The following PCDHGA6 variants were observed in gnomAD, a reference collection of about 807,000 sequenced individuals.
PCDHGA6 encodes the protein protocadherin gamma-A6.
In PCDHGA6, 41 loss-of-function variants were observed where a neutral mutation model predicts 60.6. The ratio of observed to expected loss-of-function variants is 0.68; its 90% CI spans 0.53 to 0.88. The LOEUF (loss-of-function observed/expected upper bound fraction) is 0.88, where lower values mean the gene tolerates loss of function less well. Ranked by LOEUF, PCDHGA6 falls within the 40% of genes least tolerant of loss-of-function variation. The probability of loss-of-function intolerance (pLI) is 0.00; values close to 1 mark genes in which losing one functional copy is unlikely to be tolerated. For missense variants in PCDHGA6, 1,312 were observed against 1,203.0 expected (o/e 1.09, Z -1.34); for synonymous variants, 594 against 524.4 (o/e 1.13, Z -1.81).
rs143737031 is a variant in PCDHGA6 at position 141,454,359 on chromosome 5, G to C, written c.2425-40448G>C. Among the ~76,000 whole-genome samples, 105 of 152,200 alleles carry C rather than the reference G, an allele frequency of 6.9e-4. No individual in the cohort carries two copies. In the East Asian group the frequency reaches 0.014, roughly 20 times the overall value. ...AATGTTGGAAGTTGATCCAAACTTA[G>C]AAAGGAGTATGGCAACTTGTCAAGA... On this transcript the variant is annotated intron_variant, in intron 1 of 3. Coordinates refer to ENST00000517434, the MANE Select transcript of PCDHGA6 (RefSeq NM_018919.3).
At chr5:141,415,540 T>C (rs1202920204) in intron 1 of PCDHGA6, 9 of 1,614,184 alleles carry the variant, frequency 5.6e-6, no homozygotes, top group Non-Finnish European at 7.6e-6. Context: ...CCAGGAGAGC[T>C]GTGAGAAAAA....
At chr5:141,469,833 TTA>T (rs1343669772) in intron 1 of PCDHGA6, among the ~76,000 whole-genome samples, 2 of 152,054 alleles carry the variant, frequency 1.3e-5, no homozygotes, top group Non-Finnish European at 2.9e-5. Flanking sequence ...CACATAAAAC[TTA>T]TTCTTAAGAT....
intron 2 of PCDHGA6, among the ~76,000 whole-genome samples, chr5:141,499,317 A>G (rs532848559): frequency 7.9e-5 from 12 of 152,354 alleles, no homozygotes; most frequent in Admixed American, 1.3e-4. Context: ...GAGAGACAGT[A>G]TCCCTGCTCT....
chr5:141,374,039 G>A lies in PCDHGA6; in HGVS notation c.-45G>A. The A allele has an allele frequency of 6.9e-7, 1 of 1,456,944 alleles. No homozygotes were observed. Among genetic ancestry groups the A allele is most frequent in the Non-Finnish European group, 9.1e-7 (1 of 1,102,472 alleles). The allele number at this position is 1,456,944 out of a possible 1,614,324, so 90.3% of individuals were successfully genotyped here. ...AGAAGAGCAAAAGTGATGCAGATCT[G>A]TTCTTCCTCTTCTTAATCCCAGAGA... On this transcript the variant is annotated 5_prime_UTR_variant, in exon 1 of 4. Transcript: ENST00000517434.
At position 141,405,363 on chromosome 5, in the gene PCDHGA6, C is replaced by T. The variant is rs765508317; in HGVS notation, c.2424+28856C>T. The T allele has an allele frequency of 2.0e-5, 33 of 1,613,690 alleles. No individual in the cohort carries two copies. The highest frequency in any genetic ancestry group is 2.7e-5 in the African/African-American group (2 of 74,888). On this transcript the variant is annotated intron_variant, in intron 1 of 3. Coordinates refer to ENST00000517434, the MANE Select transcript of PCDHGA6 (RefSeq NM_018919.3). ...GATTCCAAGTTTCCTATAGAAGACACCCCTTTGGTTCCGGTGAGTTCATTT... is the reference window on the plus strand; with the variant it reads ...GATTCCAAGTTTCCTATAGAAGACATCCCTTTGGTTCCGGTGAGTTCATTT...
At chr5:141,399,376 AC>A (rs1398817003) in intron 1 of PCDHGA6, 1 of 1,613,956 alleles carries the variant, frequency 6.2e-7, no homozygotes, top group Non-Finnish European at 8.5e-7. Flanking sequence ...GTACAATGTC[AC>A]CATCACAGCC....
At chr5:141,381,271 T>G (rs1366742753) in intron 1 of PCDHGA6, among the ~76,000 whole-genome samples, 1 of 152,252 alleles carries the variant, frequency 6.6e-6, no homozygotes, top group Non-Finnish European at 1.5e-5. Context: ...CCAAGACTGT[T>G]TCTTGCCAGG....
intron 1 of PCDHGA6, chr5:141,408,627 T>A: frequency 6.2e-7 from 1 of 1,613,916 alleles, no homozygotes; most frequent in Admixed American, 1.7e-5. Flanking sequence ...CATTTAGAAA[T>A]TTTCGAATCT....
intron 1 of PCDHGA6, chr5:141,420,440 C>G (rs1298244162): frequency 9.3e-7 from 1 of 1,076,214 alleles, no homozygotes; most frequent in Non-Finnish European, 1.2e-6. Context: ...AATTAAATGC[C>G]TCAGTCTTCC....
At chr5:141,413,374 G>A (rs528233301) in intron 1 of PCDHGA6, 1 of 1,613,946 alleles carries the variant, frequency 6.2e-7, no homozygotes, top group East Asian at 2.2e-5. Context: ...GGCGGAGCGC[G>A]GAGTCCGCAT....
intron 1 of PCDHGA6, among the ~76,000 whole-genome samples, chr5:141,444,152 ATTTTTTTTTTTTTTTTTTTTTT>A (rs747671382): frequency 8.9e-5 from 3 of 33,882 alleles, no homozygotes; most frequent in East Asian, 1.0e-3. Flanking sequence ...TGTGTACTGG[ATTTTTTTTTTTTTTTTTTTTTT>A]TTTTTTTTTT....
chr5:141,374,226 T>C lies in PCDHGA6; in HGVS notation c.143T>C (p.Ile48Thr), dbSNP rs1770289818. 6.2e-7 allele frequency: 1 copy of C among 1,613,964 alleles called. No homozygotes were observed. Among genetic ancestry groups the C allele is most frequent in the Non-Finnish European group, 8.5e-7 (1 of 1,179,898 alleles). ...GAGAAAGGCTCCTTCGTAGGCAACATCGTCAAGGATCTGGGACTGGAGCCC... is the reference window on the plus strand; with the variant it reads ...GAGAAAGGCTCCTTCGTAGGCAACACCGTCAAGGATCTGGGACTGGAGCCC... ...ELEKGSFVGN[I>T]VKDLGLEPQE... The change falls in exon 1 of 4, where the codon ATC becomes ACC. Residue 48 changes from isoleucine (I) to threonine (T), a missense_variant. Physicochemically the swap from Ile to Thr is moderately conservative, Grantham distance 89. Coordinates refer to ENST00000517434, the MANE Select transcript of PCDHGA6 (RefSeq NM_018919.3).
intron 1 of PCDHGA6, among the ~76,000 whole-genome samples, chr5:141,425,111 A>G (rs2096857405): frequency 6.6e-6 from 1 of 152,144 alleles, no homozygotes; most frequent in Admixed American, 6.5e-5. Context: ...AGATGCCTAC[A>G]TTTTTCTTGA....
Position 141,431,938 on chromosome 5 carries a change from A to G in PCDHGA6, c.2424+55431A>G, listed in dbSNP as rs150199588. 49 of 1,614,050 alleles carry G rather than the reference A, an allele frequency of 3.0e-5. No individual in the cohort carries two copies. Among genetic ancestry groups the G allele is most frequent in the Non-Finnish European group, 3.9e-5 (46 of 1,180,026 alleles). Reference sequence around the variant, plus strand: ...TCATCCAAGGAAATCTGCCCTTTAAATTAGAAAAATCTTACGGAAATTACT... The same window carrying G: ...TCATCCAAGGAAATCTGCCCTTTAAGTTAGAAAAATCTTACGGAAATTACT... On this transcript the variant is annotated intron_variant, in intron 1 of 3. Coordinates refer to ENST00000517434, the MANE Select transcript of PCDHGA6 (RefSeq NM_018919.3). This position sits in a 1 kb window ranked among gnomAD's most constrained non-coding sequence, Gnocchi z 4.8.
intron 1 of PCDHGA6, among the ~76,000 whole-genome samples, chr5:141,457,665 G>A (rs2098927092): frequency 6.6e-6 from 1 of 152,330 alleles, no homozygotes; most frequent in Non-Finnish European, 1.5e-5. Flanking sequence ...AGCAAGAATG[G>A]TTATTTCTAC....
In PCDHGA6 at chr5:141,376,671, G is replaced by T. The variant is rs541543618; in HGVS notation, c.2424+164G>T. Reference sequence around the variant, plus strand: ...GGAAGACTCCCTTGTTCAGGTGAGGGTATCGTTTTTTTTTTTTTTTTTTTT... The same window carrying T: ...GGAAGACTCCCTTGTTCAGGTGAGGTTATCGTTTTTTTTTTTTTTTTTTTT... On this transcript the variant is annotated intron_variant, in intron 1 of 3. Transcript: ENST00000517434. The T allele has an allele frequency of 4.4e-4, 244 of 553,734 alleles. 1 individual carries two copies. The East Asian group carries it at 5.1e-3, about 12-fold the overall frequency. 34.3% of individuals were successfully genotyped at this position (553,734 alleles called of 1,614,324 possible).
intron 1 of PCDHGA6, chr5:141,399,154 G>T (rs780620346): frequency 1.2e-6 from 2 of 1,613,850 alleles, no homozygotes; most frequent in South Asian, 1.1e-5. Context: ...TAGCCCAGAA[G>T]TTACATTCCA....
chr5:141,413,024 C>G, intron 1 of PCDHGA6: 1 of 736,254 alleles, frequency 1.4e-6, no homozygotes, highest in Non-Finnish European at 2.1e-6. Context: ...ACAAGCCCCA[C>G]AAACCGGCTG....
At position 141,399,438 on chromosome 5, in the gene PCDHGA6, T is replaced by G; in HGVS notation, c.2424+22931T>G. 3 of 1,613,996 alleles carry G rather than the reference T, an allele frequency of 1.9e-6. No individual in the cohort carries two copies. The South Asian group carries it at 3.3e-5, about 18-fold the overall frequency. On this transcript the variant is annotated intron_variant, in intron 1 of 3. Transcript: ENST00000517434. The stretch of plus-strand genomic sequence containing the variant: ...CCTCCAGCATAAGCGTCATCCTACA[T>G]ATCAGAGACGTCAACGATAACGCTC...
Sources: allele counts gnomAD v4.1 joint callset (sites outside exome capture counted in the v4.1 genomes callset), GRCh38; gene constraint gnomAD v4.1.1; non-coding constraint Gnocchi (gnomAD v3.1); transcripts MANE v1.5; gene names NCBI Gene and HGNC (gene_info 2026-07-23, HGNC 2026-07-21).